The following JPH2 variants were observed in gnomAD, a reference collection of about 807,000 sequenced individuals.
JPH2 encodes junctophilin 2.
Under a neutral mutation model 55.9 loss-of-function variants are expected in JPH2, and 38 were observed. The observed-to-expected ratio is 0.68, with a 90% CI of 0.52 to 0.89. JPH2 has a LOEUF of 0.89. JPH2 is among the 40% of genes least tolerant of loss of function. JPH2 has a pLI of 0.00. For synonymous variants in JPH2, 480 were observed against 472.4 expected, an observed-to-expected ratio of 1.02 and a Z score of -0.21; for missense variants, 964 against 1,037.6, an observed-to-expected ratio of 0.93 and a Z score of 0.97.
chr20:44,140,251 T>C (rs1357019486), intron 2 of JPH2, among the ~76,000 whole-genome samples: 2 of 152,178 alleles, frequency 1.3e-5, no homozygotes, highest in African/African-American at 4.8e-5. Flanking sequence ...CACCTGTCTT[T>C]ATATCCATCC....
At chr20:44,162,446 A>G (rs2145881374) in intron 1 of JPH2, among the ~76,000 whole-genome samples, 1 of 152,194 alleles carries the variant, frequency 6.6e-6, no homozygotes, top group African/African-American at 2.4e-5. Context: ...GTGTTGCCAA[A>G]GGAGATTAAC....
intron 3 of JPH2, 81 bp from the exon 4 acceptor site, chr20:44,116,467 AGCCTCATTC>A: frequency 6.7e-7 from 1 of 1,500,876 alleles, no homozygotes; most frequent in Non-Finnish European, 9.0e-7. Context: ...TCACCTCTCG[AGCCTCATTC>A]ATGGGCTCAG....
intron 2 of JPH2, among the ~76,000 whole-genome samples, chr20:44,132,400 AC>A (rs2072327858): frequency 1.9e-5 from 1 of 52,644 alleles, no homozygotes; most frequent in African/African-American, 9.8e-5. Flanking sequence ...ACACACACAC[AC>A]ATTTGGGCTG....
chr20:44,124,877 G>T (rs997749897), intron 2 of JPH2, among the ~76,000 whole-genome samples: 1 of 152,030 alleles, frequency 6.6e-6, no homozygotes, highest in Non-Finnish European at 1.5e-5. Context: ...GGATGCTGAG[G>T]CGGGTGGATC....
Position 44,159,631 on chromosome 20 carries a change from T to C in JPH2, c.1156A>G (p.Ile386Val). Residue 386 changes from isoleucine to valine, a missense_variant, in exon 2 of 6, where the codon ATT (isoleucine) becomes GTT (valine). Transcript: ENST00000372980. This position sits in a 1 kb window ranked among gnomAD's most constrained non-coding sequence, Gnocchi z 5.7. ...CCGCTGTCCTACCTGGAGGCGGCAA[T>C]CTCGGCCTTCTGGCGCGCGATAGCA... is the stretch of plus-strand genomic sequence containing the variant. ...AAAIARQKAE[I>V]AASRTSHAKA... 1 of 1,603,650 alleles carries C rather than the reference T, an allele frequency of 6.2e-7. No homozygotes were observed. The highest frequency in any genetic ancestry group is 8.5e-7 in the Non-Finnish European group (1 of 1,179,650).
intron 1 of JPH2, among the ~76,000 whole-genome samples, chr20:44,173,947 A>G (rs1329487124): frequency 6.6e-6 from 1 of 152,144 alleles, no homozygotes. Context: ...TCATCAGACG[A>G]TGATAAGATC....
chr20:44,108,167 G>C lies in JPH2; in HGVS notation c.*5351C>G, dbSNP rs1047983367. ...CACTGAAGCACTGGTTAGCTTCCCT[G>C]GTTGGCCATACTTTGTCATACTGTT... On this transcript the variant is annotated 3_prime_UTR_variant, in exon 6 of 6. Coordinates refer to ENST00000372980, the MANE Select transcript of JPH2 (RefSeq NM_020433.5). 2.6e-5 allele frequency among the ~76,000 whole-genome samples: 4 copies of C among 152,164 alleles called. No homozygotes were observed. The highest frequency in any genetic ancestry group is 9.7e-5 in the African/African-American group (4 of 41,426).
chr20:44,175,550 C>G (rs2072727243), intron 1 of JPH2, among the ~76,000 whole-genome samples: 1 of 152,226 alleles, frequency 6.6e-6, no homozygotes, highest in African/African-American at 2.4e-5. Flanking sequence ...CTGGGATCAC[C>G]AACAGACAAC....
intron 1 of JPH2, among the ~76,000 whole-genome samples, chr20:44,166,672 G>T (rs1170559014): frequency 6.6e-6 from 1 of 152,108 alleles, no homozygotes; most frequent in Non-Finnish European, 1.5e-5. Context: ...CCTGGGAAGG[G>T]GAAAAACCGA....
chr20:44,125,746 G>A (rs943997367), intron 2 of JPH2, among the ~76,000 whole-genome samples: 4 of 152,148 alleles, frequency 2.6e-5, no homozygotes, highest in African/African-American at 7.2e-5. Flanking sequence ...CAGATTGCCC[G>A]GGTGCAGACC....
In JPH2 at chr20:44,186,700, A is replaced by C. The variant is rs1178855099; in HGVS notation, c.6T>G (p.Ser2Arg). Reference protein sequence around the residue: MSGGRFDFDDGG... With the variant: MRGGRFDFDDGG... ...CATCATCAAAGTCGAAGCGGCCCCC[A>C]CTCATCTCATCATAGCCCCTGACAA... is the stretch of plus-strand genomic sequence containing the variant. Residue 2 changes from serine (S) to arginine (R), a missense_variant, in exon 1 of 6, where the codon AGT (serine) becomes AGG (arginine). Ser to Arg is a moderately radical substitution (Grantham distance 110, BLOSUM62 -1). Coordinates refer to ENST00000372980, the MANE Select transcript of JPH2 (RefSeq NM_020433.5). 6 of 1,484,144 alleles carry C rather than the reference A, an allele frequency of 4.0e-6. No homozygotes were observed. The highest frequency in any genetic ancestry group is 4.0e-5 in the Admixed American group (2 of 50,572). 91.9% of individuals were successfully genotyped at this position (1,484,144 alleles called of 1,614,324 possible). A position where few individuals can be genotyped will look rare whatever the true frequency, so the allele number is the denominator to read the frequency against.
At position 44,111,911 on chromosome 20, in the gene JPH2, T is replaced by C. The variant is rs1055727; in HGVS notation, c.*1607A>G. On this transcript the variant is annotated 3_prime_UTR_variant, in exon 6 of 6. Transcript: ENST00000372980. ...GAGCAGTGGCCCCGCCCCATTCCCCTCATGCTCCAGGAGTCTTGAGAAGCT... is the reference window on the plus strand; with the variant it reads ...GAGCAGTGGCCCCGCCCCATTCCCCCCATGCTCCAGGAGTCTTGAGAAGCT... The C allele has an allele frequency of 0.53, 80,558 of 151,966 alleles. 22,594 individuals are homozygous for C. Among genetic ancestry groups the C allele is most frequent in the African/African-American group, 0.73 (30,259 of 41,398 alleles). The allele number at this position is 151,966 out of a possible 1,614,324, so 9.4% of individuals were successfully genotyped here.
chr20:44,165,841 A>T (rs889420491), intron 1 of JPH2, among the ~76,000 whole-genome samples: 2 of 151,870 alleles, frequency 1.3e-5, no homozygotes, highest in South Asian at 2.1e-4. Context: ...CTCAAATGTC[A>T]TCTTCTCAGT....
In JPH2 at chr20:44,116,311, C is replaced by T. The variant is rs1216784399; in HGVS notation, c.1364G>A (p.Arg455Gln). 3.2e-6 allele frequency: 5 copies of T among 1,542,192 alleles called. No individual in the cohort carries two copies. Among genetic ancestry groups the T allele is most frequent in the East Asian group, 2.5e-5 (1 of 40,666 alleles). Residue 455 changes from arginine to glutamine, a missense_variant, in exon 4 of 6, where the codon CGG becomes CAG. By Grantham distance (43) the Arg-to-Gln change is conservative (BLOSUM62 1). Transcript: ENST00000372980. ...TGGGAGGCCCGCTGCGCCGGCGCCC[C>T]GGTCGGGGGGCTCCAGCAGGCTCTC... Reference protein sequence around the residue: ...NSESLLEPPDRGAGAAGLPQP... With the variant: ...NSESLLEPPDQGAGAAGLPQP...
At chr20:44,134,165 ATATT>A (rs1223712215) in intron 2 of JPH2, among the ~76,000 whole-genome samples, 3 of 23,256 alleles carry the variant, frequency 1.3e-4, no homozygotes, top group East Asian at 2.2e-3. Flanking sequence ...AAATATATAA[ATATT>A]TATTATAAAT....
chr20:44,186,072 A>C (rs2072837165), intron 1 of JPH2, among the ~76,000 whole-genome samples: 1 of 152,072 alleles, frequency 6.6e-6, no homozygotes, highest in South Asian at 2.1e-4. Flanking sequence ...TTGTGTGTTG[A>C]GTGTGCACTT....
At chr20:44,170,178 A>G (rs2072687093) in intron 1 of JPH2, among the ~76,000 whole-genome samples, 1 of 152,198 alleles carries the variant, frequency 6.6e-6, no homozygotes, top group South Asian at 2.1e-4. Flanking sequence ...CAGTTCCTTC[A>G]TGACCTGGTT....
At chr20:44,147,638 C>CT (rs1337952441) in intron 2 of JPH2, among the ~76,000 whole-genome samples, 1 of 152,176 alleles carries the variant, frequency 6.6e-6, no homozygotes, top group Non-Finnish European at 1.5e-5. Context: ...GGATTTATTA[C>CT]TTTTTTATTT....
At chr20:44,177,931 T>A (rs1449758931) in intron 1 of JPH2, 2 of 1,425,372 alleles carry the variant, frequency 1.4e-6, no homozygotes, top group Non-Finnish European at 2.0e-6. Context: ...TTGTCTTGTT[T>A]CATTGTCTCG....
Sources: allele counts gnomAD v4.1 joint callset (sites outside exome capture counted in the v4.1 genomes callset), GRCh38; gene constraint gnomAD v4.1.1; non-coding constraint Gnocchi (gnomAD v3.1); transcripts MANE v1.5; gene names NCBI Gene and HGNC (gene_info 2026-07-23, HGNC 2026-07-21).